DLG2: variants seen among roughly 807,000 people sequenced by gnomAD.
DLG2 encodes the protein discs large MAGUK scaffold protein 2.
Under a neutral mutation model 132.5 loss-of-function variants are expected in DLG2, and 45 were observed. That is an observed-to-expected ratio of 0.34 (90% CI 0.27 to 0.44). The LOEUF (loss-of-function observed/expected upper bound fraction) is 0.44. Among genes scored for constraint, DLG2 ranks in the 20% least tolerant of loss-of-function variants. DLG2 has a pLI of 1.00. For missense variants in DLG2, 1,045 were observed against 1,196.9 expected (o/e 0.87, Z 1.87); for synonymous variants, 424 against 419.6 (o/e 1.01, Z -0.13).
intron 7 of DLG2, among the ~76,000 whole-genome samples, chr11:84,261,481 C>T (rs1245418177): frequency 6.6e-6 from 1 of 152,152 alleles, no homozygotes; most frequent in Non-Finnish European, 1.5e-5. Flanking sequence ...CATCCTATTC[C>T]CCACATTTTA....
chr11:84,878,378 T>C (rs751629968), intron 6 of DLG2, among the ~76,000 whole-genome samples: 14 of 151,994 alleles, frequency 9.2e-5, no homozygotes, highest in Admixed American at 5.9e-4. Flanking sequence ...TATGAAGCCG[T>C]AAAAAGGATG....
chr11:84,444,531 C>T (rs1261380280), intron 7 of DLG2, among the ~76,000 whole-genome samples: 2 of 151,878 alleles, frequency 1.3e-5, no homozygotes, highest in Non-Finnish European at 2.9e-5. Flanking sequence ...TATAATAATG[C>T]TTTTCCTTTT....
At chr11:85,505,919 G>A (rs560037601) in intron 3 of DLG2, among the ~76,000 whole-genome samples, 1 of 152,242 alleles carries the variant, frequency 6.6e-6, no homozygotes, top group South Asian at 2.1e-4. Context: ...TCTATTCAGG[G>A]ATTTAACTTC....
At chr11:85,504,803 C>G (rs1305238229) in intron 3 of DLG2, among the ~76,000 whole-genome samples, 1 of 152,168 alleles carries the variant, frequency 6.6e-6, no homozygotes, top group Non-Finnish European at 1.5e-5. Flanking sequence ...TTACCTTGGA[C>G]AGTATGGCCA....
intron 3 of DLG2, among the ~76,000 whole-genome samples, chr11:85,495,425 AC>A (rs1333798769): frequency 6.6e-6 from 1 of 152,218 alleles, no homozygotes; most frequent in African/African-American, 2.4e-5. Flanking sequence ...AGGAACTTAA[AC>A]AAATTTAAAA....
chr11:85,270,943 T>C (rs1294580709), intron 4 of DLG2, among the ~76,000 whole-genome samples: 1 of 152,166 alleles, frequency 6.6e-6, no homozygotes. Flanking sequence ...GACAATCCGA[T>C]AGAAAGCAAA....
chr11:84,068,364 C>T (rs1169158869), intron 10 of DLG2, among the ~76,000 whole-genome samples: 12 of 152,220 alleles, frequency 7.9e-5, no homozygotes, highest in African/African-American at 2.2e-4. Context: ...CTGATTAATA[C>T]AGGCAGACTT....
Position 83,480,300 on chromosome 11 carries a change from A to C in DLG2, c.2293+3829T>G, listed in dbSNP as rs143990576. On this transcript the variant is annotated intron_variant, in intron 22 of 27. Transcript: ENST00000376104. ...GTAGCAATTGAAAAACAACAACAGAAATCTGAAATGACCACCACAGGCAAT... is the reference window on the plus strand; with the variant it reads ...GTAGCAATTGAAAAACAACAACAGACATCTGAAATGACCACCACAGGCAAT... 4.5e-4 allele frequency: 548 copies of C among 1,213,010 alleles called. 4 individuals carry two copies. The East Asian group carries it at 8.6e-3, about 19-fold the overall frequency. The allele number at this position is 1,213,010 out of a possible 1,614,324, so 75.1% of individuals were successfully genotyped here. A position where few individuals can be genotyped will look rare whatever the true frequency, so the allele number is the denominator to read the frequency against.
chr11:84,534,554 G>T lies in DLG2; in HGVS notation c.519+16C>A, dbSNP rs201723589. The T allele has an allele frequency of 4.2e-4, 678 of 1,612,196 alleles. 5 individuals are homozygous for T. In the African/African-American group the frequency reaches 8.1e-3, roughly 19 times the overall value. ...ACTGTCACCAACTATAAAGTCGGAA[G>T]AGCAATATAACTGACCTTCAGAGGA... On this transcript the variant is annotated intron_variant, in intron 7 of 27. Coordinates refer to ENST00000376104, the MANE Select transcript of DLG2 (RefSeq NM_001142699.3).
At chr11:85,485,358 T>C (rs2093406128) in intron 3 of DLG2, among the ~76,000 whole-genome samples, 1 of 151,202 alleles carries the variant, frequency 6.6e-6, no homozygotes, top group Non-Finnish European at 1.5e-5. Context: ...ATAATAACAA[T>C]AAATAAATAA....
At chr11:84,141,656 T>A (rs2094851866) in intron 9 of DLG2, among the ~76,000 whole-genome samples, 1 of 152,136 alleles carries the variant, frequency 6.6e-6, no homozygotes, top group Non-Finnish European at 1.5e-5. Flanking sequence ...AGGAGCCAAG[T>A]TAGTTAACAT....
intron 3 of DLG2, among the ~76,000 whole-genome samples, chr11:85,511,428 A>G (rs1239898811): frequency 6.6e-6 from 1 of 152,076 alleles, no homozygotes; most frequent in Non-Finnish European, 1.5e-5. Context: ...TAAGAAGACA[A>G]TAGATTTGAG....
At chr11:84,231,355 A>T (rs978167794) in intron 8 of DLG2, among the ~76,000 whole-genome samples, 2 of 152,210 alleles carry the variant, frequency 1.3e-5, no homozygotes, top group Admixed American at 1.3e-4. Flanking sequence ...GGGGAAAAAA[A>T]TCATTTTTTC....
chr11:83,819,954 A>G (rs2050286363), intron 17 of DLG2, among the ~76,000 whole-genome samples: 3 of 141,704 alleles, frequency 2.1e-5, no homozygotes, highest in Non-Finnish European at 3.0e-5. Flanking sequence ...AATAATAATA[A>G]TAATAAACAA....
chr11:84,166,516 A>AAG (rs1555391544), intron 8 of DLG2, among the ~76,000 whole-genome samples: 5 of 138,282 alleles, frequency 3.6e-5, no homozygotes, highest in African/African-American at 1.3e-4. Flanking sequence ...AAAAAAAAAA[A>AAG]AAAAGAAAAG....
chr11:83,553,098 T>C (rs1248046004), intron 19 of DLG2, among the ~76,000 whole-genome samples: 1 of 152,150 alleles, frequency 6.6e-6, no homozygotes, highest in Admixed American at 6.6e-5. Context: ...GAGGAAAAGG[T>C]GCTCACAAAA....
chr11:84,975,301 G>A (rs1331937937), intron 6 of DLG2, among the ~76,000 whole-genome samples: 2 of 152,166 alleles, frequency 1.3e-5, no homozygotes, highest in African/African-American at 4.8e-5. Flanking sequence ...CTTTGCATAG[G>A]TGGGGTGATG....
At chr11:84,888,192 T>A (rs544278025) in intron 6 of DLG2, among the ~76,000 whole-genome samples, 1 of 152,170 alleles carries the variant, frequency 6.6e-6, no homozygotes, top group Non-Finnish European at 1.5e-5. Context: ...ACATTGTTTC[T>A]GAATGTGTCT....
chr11:85,142,482 C>G (rs979206168), intron 5 of DLG2, among the ~76,000 whole-genome samples: 1 of 151,590 alleles, frequency 6.6e-6, no homozygotes, highest in African/African-American at 2.4e-5. Flanking sequence ...TTAGGTTTTT[C>G]TAAATAGAAG....
Sources: allele counts gnomAD v4.1 joint callset (sites outside exome capture counted in the v4.1 genomes callset), GRCh38; gene constraint gnomAD v4.1.1; transcripts MANE v1.5; gene names NCBI Gene and HGNC (gene_info 2026-07-23, HGNC 2026-07-21).